Variants in TCF7 observed in about 807,000 individuals in gnomAD.
The protein encoded by TCF7 is T-cell-factor-7.
Under a neutral mutation model 46.8 loss-of-function variants are expected in TCF7, and 19 were observed. That is an observed-to-expected ratio of 0.41 (90% CI 0.28 to 0.60). TCF7 has a LOEUF of 0.60. Ranked by LOEUF, TCF7 falls within the 20% of genes least tolerant of loss-of-function variation. The probability of loss-of-function intolerance (pLI) is 0.35; values close to 1 mark genes in which losing one functional copy is unlikely to be tolerated. For synonymous variants in TCF7, 245 were observed against 213.4 expected (o/e 1.15, Z -1.29); for missense variants, 547 against 504.6 (o/e 1.08, Z -0.81).
At chr5:134,115,735 C>G in intron 2 of TCF7, 174 bp from the exon 3 acceptor site, 1 of 1,437,102 alleles carries the variant, frequency 7.0e-7, no homozygotes, top group Non-Finnish European at 9.1e-7. Context: ...GGGAGGCCTG[C>G]CCTCCAGGTC....
chr5:134,127,755 C>T (rs116067605), intron 3 of TCF7, among the ~76,000 whole-genome samples: 2,482 of 152,340 alleles, frequency 0.016, 42 homozygotes, highest in Admixed American at 0.035. Context: ...TCATTGCGGG[C>T]CAGCCAGGAG....
chr5:134,143,177 A>G (rs1179285762), intron 8 of TCF7, 77 bp downstream of exon 8: 2 of 1,450,176 alleles, frequency 1.4e-6, no homozygotes, highest in African/African-American at 1.4e-5. Flanking sequence ...CAATCTCAGT[A>G]AGGAACGCAG....
chr5:134,145,498 A>C, intron 9 of TCF7: 1 of 579,472 alleles, frequency 1.7e-6, no homozygotes, highest in Non-Finnish European at 3.1e-6. Context: ...AGGTTTACCC[A>C]ACAAGTGGTT....
chr5:134,145,506 G>T (rs2149362575), intron 9 of TCF7: 1 of 586,318 alleles, frequency 1.7e-6, no homozygotes, highest in Non-Finnish European at 3.1e-6. Flanking sequence ...CCAACAAGTG[G>T]TTAAAGTTTC....
In TCF7 at chr5:134,115,899, G is replaced by A. The variant is rs757132780; in HGVS notation, c.317-10G>A. ...GGCTGGTGTGTCTGACCCAGCTGTG[G>A]TTTTTCCAGGCCTGAAGGCCCCGGA... is the stretch of plus-strand genomic sequence containing the variant. On this transcript the variant is annotated splice_polypyrimidine_tract_variant and intron_variant, in intron 2 of 9. Coordinates refer to ENST00000342854, the MANE Select transcript of TCF7 (RefSeq NM_003202.5). 3 of 1,613,888 alleles carry A rather than the reference G, an allele frequency of 1.9e-6. No individual in the cohort carries two copies. In the Admixed American group the frequency reaches 5.0e-5, roughly 27 times the overall value.
rs1298517562 is a variant in TCF7, at chr5:134,114,996, C to T, written c.90C>T (p.Gly30=). The part of the protein sequence containing the change: ...PDELLAFQDE[G]EEQDDKSRDS... ...AGCTGCTGGCCTTCCAGGATGAAGG[C>T]GAGGAGCAGGACGACAAGAGCCGCG... The change falls in exon 1 of 10, where the codon GGC becomes GGT. Residue 30 remains glycine, a synonymous_variant. Transcript: ENST00000342854. The T allele has an allele frequency of 1.6e-6, 2 of 1,242,876 alleles. No homozygotes were observed. Among genetic ancestry groups the T allele is most frequent in the Non-Finnish European group, 2.1e-6 (2 of 968,442 alleles). The allele number at this position is 1,242,876 out of a possible 1,614,324, so 77.0% of individuals were successfully genotyped here.
At chr5:134,130,601 T>C (rs1269708375) in intron 3 of TCF7, among the ~76,000 whole-genome samples, 2 of 152,222 alleles carry the variant, frequency 1.3e-5, no homozygotes, top group African/African-American at 4.8e-5. Context: ...GCCCTGATGT[T>C]GACTGGTCAT....
chr5:134,108,670 CAGTG>C, the TCF7 span, among the ~76,000 whole-genome samples: 1 of 152,028 alleles, frequency 6.6e-6, no homozygotes, highest in Admixed American at 6.5e-5. Context: ...CAGGGAGAGC[CAGTG>C]TCCTGGGGAG....
chr5:134,138,270 G>A (rs1367502702), intron 4 of TCF7, 106 bp downstream of exon 4: 1 of 985,316 alleles, frequency 1.0e-6, no homozygotes, highest in East Asian at 2.6e-5. Flanking sequence ...TGGAGAACCT[G>A]GGGCTGTGCA....
Position 134,142,866 on chromosome 5 carries a change from C to G in TCF7, c.901C>G (p.Gln301Glu). Reference sequence around the variant, plus strand: ...ACTTAAGGAGAGCGCTGCCATCAACCAGATCCTGGGCCGCAGGGTGAGACC... The same window carrying G: ...ACTTAAGGAGAGCGCTGCCATCAACGAGATCCTGGGCCGCAGGGTGAGACC... ...CTLKESAAIN[Q>E]ILGRRWHALS... The change falls in exon 7 of 10, where the codon CAG becomes GAG. Residue 301 changes from glutamine (Q) to glutamate (E), a missense_variant. This residue lies in a region of TCF7 where 32 missense variants were observed against 65.9 expected (regional missense o/e 0.49). Coordinates refer to ENST00000342854, the MANE Select transcript of TCF7 (RefSeq NM_003202.5). The G allele has an allele frequency of 1.2e-6, 2 of 1,614,046 alleles. No homozygotes were observed. The highest frequency in any genetic ancestry group is 1.7e-6 in the Non-Finnish European group (2 of 1,179,904).
At chr5:134,133,243 C>T (rs1758403157) in intron 3 of TCF7, among the ~76,000 whole-genome samples, 2 of 152,324 alleles carry the variant, frequency 1.3e-5, no homozygotes, top group Middle Eastern at 3.4e-3. Context: ...TTAAACATCC[C>T]AGCATGCTTT....
At chr5:134,137,435 AAAAAAAAAAAAAC>A (rs1468394279) in intron 3 of TCF7, among the ~76,000 whole-genome samples, 3 of 151,146 alleles carry the variant, frequency 2.0e-5, no homozygotes, top group African/African-American at 7.3e-5. Context: ...CAAAAAAAAA[AAAAAAAAAAAAAC>A]AGAGAAAAAA....
intron 3 of TCF7, chr5:134,123,847 C>G (rs1312556009): frequency 6.6e-6 from 3 of 455,774 alleles, no homozygotes; most frequent in African/African-American, 4.0e-5. Flanking sequence ...AGGGTGGATG[C>G]TAGGAGGCAT....
chr5:134,127,637 C>T (rs1017762699), intron 3 of TCF7, among the ~76,000 whole-genome samples: 1 of 152,222 alleles, frequency 6.6e-6, no homozygotes, highest in Admixed American at 6.5e-5. Flanking sequence ...CACCTTATTC[C>T]CCCGTGGGAA....
In TCF7 at chr5:134,145,470, A is replaced by G. The variant is rs991616898; in HGVS notation, c.1076-754A>G. The G allele has an allele frequency of 1.1e-5, 6 of 562,848 alleles. No individual in the cohort carries two copies. The African/African-American group carries it at 1.1e-4, about 11-fold the overall frequency. The allele number at this position is 562,848 out of a possible 1,614,324, so 34.9% of individuals were successfully genotyped here. A position where few individuals can be genotyped will look rare whatever the true frequency, so the allele number is the denominator to read the frequency against. On this transcript the variant is annotated intron_variant, in intron 9 of 9. Coordinates refer to ENST00000342854, the MANE Select transcript of TCF7 (RefSeq NM_003202.5). ...ATGTGTTTCACCATACAACAGAGAA[A>G]TACTTGTGGGTGTGACAAGGTTTAC... is the stretch of plus-strand genomic sequence containing the variant.
At position 134,126,811 on chromosome 5, in the gene TCF7, C is replaced by T. The variant is rs765412175; in HGVS notation, c.441+10778C>T. On this transcript the variant is annotated intron_variant, in intron 3 of 9. Transcript: ENST00000342854. ...GCTCAGGAGGCTGAGGCAGGAGAAT[C>T]GCATGAACCTGGGAGGCGGAGGTCA... Among the ~76,000 whole-genome samples the T allele has an allele frequency of 4.6e-5, 7 of 151,894 alleles. No homozygotes were observed. The South Asian group carries it at 1.5e-3, about 32-fold the overall frequency.
At chr5:134,139,827 C>CT (rs1293625917) in intron 5 of TCF7, 4 of 152,384 alleles carry the variant, frequency 2.6e-5, no homozygotes, top group African/African-American at 9.6e-5. Context: ...CCCACTTGCC[C>CT]TTTACCCATG....
intron 3 of TCF7, among the ~76,000 whole-genome samples, chr5:134,128,170 C>G (rs934724886): frequency 6.6e-6 from 1 of 152,212 alleles, no homozygotes; most frequent in African/African-American, 2.4e-5. Context: ...GCTCCCCCGT[C>G]CCATCCCTTC....
chr5:134,115,513 C>T lies in TCF7; in HGVS notation c.316+126C>T, dbSNP rs1030019429. The stretch of plus-strand genomic sequence containing the variant: ...CCGCAGCTCAGGAGGCGGCAGAACC[C>T]AGGGGTGGAGAGTGGGGGGCGGGCT... On this transcript the variant is annotated intron_variant, in intron 2 of 9. Transcript: ENST00000342854. The T allele has an allele frequency of 2.0e-5, 29 of 1,473,636 alleles. 1 individual carries two copies. In the Middle Eastern group the frequency reaches 1.4e-3, roughly 73 times the overall value. The allele number at this position is 1,473,636 out of a possible 1,614,324, so 91.3% of individuals were successfully genotyped here.
Sources: gnomAD v4.1 joint callset for allele counts (sites outside exome capture counted in the v4.1 genomes callset) on GRCh38, gnomAD v4.1.1 for gene constraint, gnomAD v4.1.1 regional missense constraint, MANE v1.5 for transcripts, NCBI Gene and HGNC (gene_info 2026-07-23, HGNC 2026-07-21) for gene names.